Variants in RSL1D1 observed in about 807,000 individuals in gnomAD.
The protein encoded by RSL1D1 is ribosomal L1 domain containing 1.
In RSL1D1, 34 loss-of-function variants were observed where a neutral mutation model predicts 44.6. The observed-to-expected ratio is 0.76, with a 90% CI of 0.58 to 1.02. The LOEUF (loss-of-function observed/expected upper bound fraction) is 1.02. Among genes scored for constraint, RSL1D1 ranks in the 50% least tolerant of loss-of-function variants. The pLI is 0.00. For missense variants in RSL1D1, 767 were observed against 568.1 expected, an observed-to-expected ratio of 1.35 and a Z score of -3.56; for synonymous variants, 271 against 207.4, an observed-to-expected ratio of 1.31 and a Z score of -2.63.
chr16:11,840,588 A>G (rs1359340854), intron 7 of RSL1D1, among the ~76,000 whole-genome samples: 1 of 152,186 alleles, frequency 6.6e-6, no homozygotes, highest in African/African-American at 2.4e-5. Flanking sequence ...TTAAAAATTC[A>G]TTGGACACAA....
At chr16:11,851,265 G>T in intron 1 of RSL1D1, 143 bp downstream of exon 1, 1 of 771,592 alleles carries the variant, frequency 1.3e-6, no homozygotes, top group Non-Finnish European at 2.3e-6. Flanking sequence ...AAAGGGGAGA[G>T]ACAGCTGAGG....
rs2141254454 is a variant in RSL1D1, at chr16:11,846,757, A to G, written c.471T>C (p.Thr157=). The change falls in exon 4 of 9, where the codon ACT becomes ACC. Residue 157 remains threonine (T), a synonymous_variant. Transcript: ENST00000571133. ...GTAAGAGCCGCCTAATTCTGGCATC[A>G]GTAAGGAAGAAATCAAAACTGCTCA... ...RLLSSFDFFL[T]DARIRRLLPS... 1.2e-6 allele frequency: 2 copies of G among 1,613,990 alleles called. No homozygotes were observed. Among genetic ancestry groups the G allele is most frequent in the African/African-American group, 1.3e-5 (1 of 75,066 alleles).
In RSL1D1 at chr16:11,837,357, G is replaced by C. The variant is rs540312627; in HGVS notation, c.*430C>G. The C allele has an allele frequency of 6.4e-6, 1 of 155,976 alleles. No homozygotes were observed. The highest frequency in any genetic ancestry group is 1.4e-5 in the Non-Finnish European group (1 of 70,116). The allele number at this position is 155,976 out of a possible 1,614,324, so 9.7% of individuals were successfully genotyped here. A position where few individuals can be genotyped will look rare whatever the true frequency, so the allele number is the denominator to read the frequency against. On this transcript the variant is annotated 3_prime_UTR_variant, in exon 9 of 9. Transcript: ENST00000571133. ...ACATATGTCAGGATTACTTATGGAG[G>C]TTTTATTATTTTTATTTATTTTTGA...
At chr16:11,838,183 C>G in intron 8 of RSL1D1, 70 bp from the exon 9 acceptor site, 2 of 1,226,610 alleles carry the variant, frequency 1.6e-6, no homozygotes, top group Non-Finnish European at 2.3e-6. Flanking sequence ...CCAGGAGTTA[C>G]TGTTTTTATT....
intron 1 of RSL1D1, chr16:11,851,097 C>G: frequency 2.3e-6 from 1 of 432,382 alleles, no homozygotes; most frequent in South Asian, 2.1e-5. Flanking sequence ...TAACGGGTAA[C>G]AGACCTGCAA....
Position 11,839,782 on chromosome 16 carries a change from G to C in RSL1D1, c.1059C>G (p.Ala353=), listed in dbSNP as rs775531156. The part of the protein sequence containing the change: ...HGKKKRGRGK[A]QVKATNESED... ...CGGATTCATTTGTTGCTTTAACTTGGGCTTTTCCTCTGCCACGTTTTTTCT... is the reference window on the plus strand; with the variant it reads ...CGGATTCATTTGTTGCTTTAACTTGCGCTTTTCCTCTGCCACGTTTTTTCT... The change falls in exon 8 of 9, where the codon GCC becomes GCG. Residue 353 remains alanine (A), a synonymous_variant. Transcript: ENST00000571133. 1 of 1,613,970 alleles carries C rather than the reference G, an allele frequency of 6.2e-7. No homozygotes were observed. Among genetic ancestry groups the C allele is most frequent in the Non-Finnish European group, 8.5e-7 (1 of 1,179,990 alleles).
intron 5 of RSL1D1, among the ~76,000 whole-genome samples, chr16:11,844,086 G>C (rs376399087): frequency 1.3e-5 from 2 of 152,046 alleles, no homozygotes; most frequent in East Asian, 3.9e-4. Flanking sequence ...GAATGAGACG[G>C]ACTGTTGCTC....
chr16:11,851,252 T>C (rs2053835357), intron 1 of RSL1D1, 156 bp downstream of exon 1: 1 of 721,836 alleles, frequency 1.4e-6, no homozygotes, highest in South Asian at 1.5e-5. Context: ...CACCCACGTG[T>C]GTAAAGGGGA....
intron 5 of RSL1D1, among the ~76,000 whole-genome samples, chr16:11,844,934 C>A (rs1286114131): frequency 6.6e-6 from 1 of 152,208 alleles, no homozygotes; most frequent in African/African-American, 2.4e-5. Context: ...ATCCTTTGCT[C>A]AGCCAGAGGT....
chr16:11,846,820 C>T lies in RSL1D1; in HGVS notation c.408G>A (p.Lys136=), dbSNP rs771240619. Residue 136 remains lysine (K), a synonymous_variant, in exon 4 of 9, where the codon AAG becomes AAA. Coordinates refer to ENST00000571133, the MANE Select transcript of RSL1D1 (RefSeq NM_015659.3). ...TGGCTTCATAGGATTTATATTCCTTCTTTAGAGTTTGGAGGGAGATAATCT... is the reference window on the plus strand; with the variant it reads ...TGGCTTCATAGGATTTATATTCCTTTTTTAGAGTTTGGAGGGAGATAATCT... ...VSQIISLQTL[K]KEYKSYEAKL... 6 of 1,611,208 alleles carry T rather than the reference C, an allele frequency of 3.7e-6. No individual in the cohort carries two copies. Among genetic ancestry groups the T allele is most frequent in the African/African-American group, 2.7e-5 (2 of 74,844 alleles).
intron 5 of RSL1D1, 25 bp downstream of exon 5, chr16:11,846,476 G>T: frequency 1.9e-6 from 2 of 1,067,756 alleles, no homozygotes; most frequent in Non-Finnish European, 2.8e-6. Context: ...ATTAAAAGAG[G>T]CACACATGAA....
At chr16:11,841,273 T>A (rs1424349629) in intron 7 of RSL1D1, 1 of 158,476 alleles carries the variant, frequency 6.3e-6, no homozygotes, top group African/African-American at 2.4e-5. Flanking sequence ...TAGCTGGGCA[T>A]GGTGAAGCAT....
At chr16:11,839,259 G>A (rs934481386) in intron 8 of RSL1D1, among the ~76,000 whole-genome samples, 4 of 151,716 alleles carry the variant, frequency 2.6e-5, no homozygotes, top group Non-Finnish European at 4.4e-5. Context: ...CCAGCTACTC[G>A]GGAGGCTGAG....
At position 11,836,247 on chromosome 16, in the gene RSL1D1, TCTCA is replaced by T. The variant is rs1488904176; in HGVS notation, c.*1536_*1539del. The T allele has an allele frequency of 2.0e-5, 3 of 152,194 alleles. No homozygotes were observed. The highest frequency in any genetic ancestry group is 2.4e-5 in the African/African-American group (1 of 41,452). 9.4% of individuals were successfully genotyped at this position (152,194 alleles called of 1,614,324 possible). On this transcript the variant is annotated 3_prime_UTR_variant, in exon 9 of 9. Coordinates refer to ENST00000571133, the MANE Select transcript of RSL1D1 (RefSeq NM_015659.3). ...CGATGGTCTGCTGGTCCTACTTCTC[TCTCA>T]AACTGTCTTTTTCTCAATCCTTTGA...
intron 5 of RSL1D1, among the ~76,000 whole-genome samples, chr16:11,844,155 C>A (rs1204914995): frequency 6.6e-6 from 1 of 152,140 alleles, no homozygotes; most frequent in Non-Finnish European, 1.5e-5. Context: ...TCACCACCTG[C>A]CTGCAAGCAC....
chr16:11,851,365 C>G, intron 1 of RSL1D1, 43 bp downstream of exon 1: 13 of 1,583,172 alleles, frequency 8.2e-6, no homozygotes, highest in Non-Finnish European at 1.1e-5. Flanking sequence ...CACGAGGTAA[C>G]CGCCACACTG....
intron 1 of RSL1D1, 149 bp from the exon 2 acceptor site, chr16:11,850,567 A>T: frequency 1.3e-6 from 1 of 743,738 alleles, no homozygotes; most frequent in Non-Finnish European, 2.1e-6. Flanking sequence ...GGTAACCTCC[A>T]TAACCGTATC....
chr16:11,846,384 G>C, intron 5 of RSL1D1, 117 bp downstream of exon 5: 2 of 599,278 alleles, frequency 3.3e-6, no homozygotes, highest in Non-Finnish European at 5.7e-6. Flanking sequence ...GACAGAGTAA[G>C]ACTCCATCTC....
chr16:11,850,382 T>C lies in RSL1D1; in HGVS notation c.142A>G (p.Lys48Glu), dbSNP rs1245549821. 1 of 1,600,594 alleles carries C rather than the reference T, an allele frequency of 6.2e-7. No individual in the cohort carries two copies. The highest frequency in any genetic ancestry group is 2.2e-5 in the East Asian group (1 of 44,464). Reference sequence around the variant, plus strand: ...AACCCATAATTGTTTTTCCTGGACTTGCAATGCGTCAAGAGAGCGTCCACT... The same window carrying C: ...AACCCATAATTGTTTTTCCTGGACTCGCAATGCGTCAAGAGAGCGTCCACT... ...KAVDALLTHC[K>E]SRKNNYGLLL... Residue 48 changes from lysine (K) to glutamate (E), a missense_variant, in exon 2 of 9, where the codon AAG (lysine) becomes GAG (glutamate). Physicochemically the swap from Lys to Glu is moderately conservative, Grantham distance 56 (BLOSUM62 1). Coordinates refer to ENST00000571133, the MANE Select transcript of RSL1D1 (RefSeq NM_015659.3).
Sources: allele counts gnomAD v4.1 joint callset (sites outside exome capture counted in the v4.1 genomes callset), GRCh38; gene constraint gnomAD v4.1.1; transcripts MANE v1.5; gene names NCBI Gene and HGNC (gene_info 2026-07-23, HGNC 2026-07-21).